The following C13orf46 variants were observed in gnomAD, a reference collection of about 807,000 sequenced individuals.
C13orf46 encodes the protein uncharacterized protein C13orf46.
At chr13:113,934,594 G>A in the C13orf46 span, among the ~76,000 whole-genome samples, 468 of 152,384 alleles carry the variant, frequency 3.1e-3, 20 homozygotes, top group East Asian at 0.078. Flanking sequence ...TGTGTGTGCT[G>A]TGGGCTAATT....
chr13:113,942,388 A>C, the C13orf46 span, among the ~76,000 whole-genome samples: 2 of 152,206 alleles, frequency 1.3e-5, no homozygotes, highest in African/African-American at 2.4e-5. Context: ...TGGATGCCAA[A>C]ATCAGAGAAG....
In C13orf46 at chr13:113,954,458, CTCT is replaced by C. The variant is rs1250506156; in HGVS notation, c.*2312_*2314del. 2 of 152,342 alleles carry C rather than the reference CTCT, an allele frequency of 1.3e-5. No homozygotes were observed. The highest frequency in any genetic ancestry group is 4.8e-5 in the African/African-American group (2 of 41,458). 9.4% of individuals were successfully genotyped at this position (152,342 alleles called of 1,614,324 possible). A position where few individuals can be genotyped will look rare whatever the true frequency, so the allele number is the denominator to read the frequency against. ...ACCCCTAGGAAGACTCCCTCTCCTC[CTCT>C]GAGTGGGGAGCATGTGGCTTCCCTC... On this transcript the variant is annotated 3_prime_UTR_variant, in exon 7 of 7. Coordinates refer to ENST00000636427, the MANE Select transcript of C13orf46 (RefSeq NM_001365455.2).
chr13:113,957,010 C>T (rs1245418015), intron 6 of C13orf46, among the ~76,000 whole-genome samples, 171 bp from the exon 7 acceptor site: 3 of 151,260 alleles, frequency 2.0e-5, no homozygotes, highest in African/African-American at 7.3e-5. Flanking sequence ...CCTGTACCTG[C>T]ATATGCACCC....
chr13:113,973,293 C>T (rs2052727984), intron 1 of C13orf46, among the ~76,000 whole-genome samples: 2 of 152,190 alleles, frequency 1.3e-5, no homozygotes, highest in African/African-American at 4.8e-5. Flanking sequence ...GGACAGCTGA[C>T]CGTCAACAGG....
the C13orf46 span, among the ~76,000 whole-genome samples, chr13:113,934,792 C>T: frequency 8.5e-5 from 13 of 152,208 alleles, no homozygotes; most frequent in Admixed American, 1.3e-4. Flanking sequence ...TGGGGTCACA[C>T]GGGAACTCCG....
chr13:113,960,621 A>G (rs1185688747), intron 6 of C13orf46, among the ~76,000 whole-genome samples: 1 of 152,192 alleles, frequency 6.6e-6, no homozygotes, highest in East Asian at 1.9e-4. Context: ...TGCAGCTTCA[A>G]TTTATACACT....
At position 113,954,987 on chromosome 13, in the gene C13orf46, G is replaced by GAGGATCTGGCAGAGAGGAGGAGT. The variant is rs879081110; in HGVS notation, c.*1763_*1785dup. 6.0e-6 allele frequency: 1 copy of GAGGATCTGGCAGAGAGGAGGAGT among 165,840 alleles called. No individual in the cohort carries two copies. The allele number at this position is 165,840 out of a possible 1,614,324, so 10.3% of individuals were successfully genotyped here. On this transcript the variant is annotated 3_prime_UTR_variant, in exon 7 of 7. Coordinates refer to ENST00000636427, the MANE Select transcript of C13orf46 (RefSeq NM_001365455.2). ...AGGAGGATCTGGCGGAGACGAGGAG[G>GAGGATCTGGCAGAGAGGAGGAGT]AGGATCTGGCAGAGAGGAGGAGTAG...
intron 6 of C13orf46, among the ~76,000 whole-genome samples, chr13:113,957,795 C>A (rs1429210937): frequency 7.0e-6 from 1 of 143,740 alleles, no homozygotes; most frequent in Non-Finnish European, 1.5e-5. Context: ...TCTGCCTGCA[C>A]CCCCTTTCAT....
chr13:113,939,530 T>TG, the C13orf46 span, among the ~76,000 whole-genome samples: 1 of 151,964 alleles, frequency 6.6e-6, no homozygotes, highest in East Asian at 1.9e-4. Flanking sequence ...ATGGGAAAGA[T>TG]GGGGACCACG....
chr13:113,945,593 GA>G, the C13orf46 span, among the ~76,000 whole-genome samples: 6 of 122,360 alleles, frequency 4.9e-5, no homozygotes, highest in Non-Finnish European at 6.9e-5. Flanking sequence ...GAGAGAGAGA[GA>G]AAGAAAGAAA....
At chr13:113,943,232 T>C in the C13orf46 span, among the ~76,000 whole-genome samples, 3 of 152,194 alleles carry the variant, frequency 2.0e-5, no homozygotes, top group Non-Finnish European at 4.4e-5. Context: ...CAGGAGGGCC[T>C]GAGGACATGT....
chr13:113,952,281 C>T (rs1177383877), downstream of C13orf46, among the ~76,000 whole-genome samples: 1 of 145,870 alleles, frequency 6.9e-6, no homozygotes, highest in Non-Finnish European at 1.5e-5. Context: ...GTGGCCGCCG[C>T]TCCCGCCTGC....
chr13:113,949,063 G>A (rs2052479749), downstream of C13orf46, among the ~76,000 whole-genome samples: 1 of 152,160 alleles, frequency 6.6e-6, no homozygotes, highest in African/African-American at 2.4e-5. Context: ...GGAGGGGCCA[G>A]AGATTGAGTT....
chr13:113,965,107 C>T (rs964671466), intron 5 of C13orf46, 113 bp from the exon 6 acceptor site: 4 of 152,262 alleles, frequency 2.6e-5, no homozygotes, highest in Admixed American at 2.6e-4. Flanking sequence ...GATGACCTCC[C>T]ATCAGACAGG....
rs1243839899 is a variant in C13orf46 at position 113,968,743 on chromosome 13, T to C, written c.260A>G (p.Gln87Arg). ...EDASCQKNLA[Q>R]DKKESFSTLG... ...GGTGCTGAAGCTTTCCTTCTTGTCT[T>C]GTGCTAGGTTTTTCTGACTGCGGGA... The change falls in exon 3 of 7, where the codon CAA becomes CGA. Residue 87 changes from glutamine (Q) to arginine (R), a missense_variant. Gln to Arg is a conservative substitution (Grantham distance 43). Transcript: ENST00000636427. 6.6e-6 allele frequency: 1 copy of C among 152,346 alleles called. No individual in the cohort carries two copies. The highest frequency in any genetic ancestry group is 2.4e-5 in the African/African-American group (1 of 41,464). 9.4% of individuals were successfully genotyped at this position (152,346 alleles called of 1,614,324 possible). A position where few individuals can be genotyped will look rare whatever the true frequency, so the allele number is the denominator to read the frequency against.
intron 6 of C13orf46, among the ~76,000 whole-genome samples, chr13:113,961,777 T>C (rs1009395863): frequency 4.5e-4 from 68 of 152,362 alleles, no homozygotes; most frequent in Middle Eastern, 3.4e-3. Context: ...CTCTGTGTGC[T>C]CTGTGTGATC....
the C13orf46 span, among the ~76,000 whole-genome samples, chr13:113,945,578 AGAGAGAGAG>A: frequency 1.5e-5 from 2 of 129,980 alleles, no homozygotes; most frequent in Admixed American, 1.6e-4. Context: ...AGAAAGAAAG[AGAGAGAGAG>A]AGAGAGAAAG....
chr13:113,964,419 G>A (rs938809508), intron 6 of C13orf46, among the ~76,000 whole-genome samples: 49 of 152,292 alleles, frequency 3.2e-4, no homozygotes, highest in South Asian at 1.2e-3. Flanking sequence ...CTGGGGACAC[G>A]GATCATCTCT....
At chr13:113,945,661 A>AAAGG in the C13orf46 span, among the ~76,000 whole-genome samples, 1 of 137,804 alleles carries the variant, frequency 7.3e-6, no homozygotes, top group Non-Finnish European at 1.6e-5. Context: ...AGAAAGAAAG[A>AAAGG]AAGAAAGAAA....
Sources: gnomAD v4.1 joint callset for allele counts (sites outside exome capture counted in the v4.1 genomes callset) on GRCh38, gnomAD v4.1.1 for gene constraint, MANE v1.5 for transcripts, NCBI Gene and HGNC (gene_info 2026-07-23, HGNC 2026-07-21) for gene names.